Variants in PIGK observed in about 807,000 individuals in gnomAD.
The protein encoded by PIGK is GPI-anchor transamidase.
A neutral mutation model predicts 50.6 loss-of-function variants in PIGK; 42 were observed. The observed-to-expected ratio is 0.83, with a 90% CI of 0.65 to 1.07. The LOEUF (loss-of-function observed/expected upper bound fraction) is 1.07, where lower values mean the gene tolerates loss of function less well. Among genes scored for constraint, PIGK ranks in the 50% least tolerant of loss-of-function variants. The pLI, the probability that PIGK is intolerant of heterozygous loss-of-function variation, is 0.00. For missense variants in PIGK, 448 were observed against 488.7 expected (o/e 0.92, Z 0.78); for synonymous variants, 151 against 156.0 (o/e 0.97, Z 0.24).
chr1:77,197,277 T>G (rs934452651), intron 3 of PIGK, among the ~76,000 whole-genome samples: 3 of 152,100 alleles, frequency 2.0e-5, no homozygotes, highest in African/African-American at 7.2e-5. Context: ...CAAGAGAGAT[T>G]AATTTTTCCA....
intron 3 of PIGK, among the ~76,000 whole-genome samples, chr1:77,196,296 G>A (rs4033310): frequency 0.037 from 5,645 of 151,304 alleles, 204 homozygotes; most frequent in South Asian, 0.21. Flanking sequence ...AAATATGAGT[G>A]CATGTGTCTT....
chr1:77,154,588 T>C lies in PIGK; in HGVS notation c.847A>G (p.Thr283Ala). Residue 283 changes from threonine to alanine, a missense_variant, in exon 9 of 11, where the codon ACT (threonine) becomes GCT (alanine). By Grantham distance (58) the Thr-to-Ala change is moderately conservative (BLOSUM62 0). Transcript: ENST00000370812. Reference sequence around the variant, plus strand: ...AAAAGATCAGTGCGATGTCCAGGAGTAGACACACACAGACTTTTGGGACAT... The same window carrying C: ...AAAAGATCAGTGCGATGTCCAGGAGCAGACACACACAGACTTTTGGGACAT... The part of the protein sequence containing the change: ...QVCPKSLCVS[T>A]PGHRTDLFQR... 1 of 1,612,662 alleles carries C rather than the reference T, an allele frequency of 6.2e-7. No homozygotes were observed.
At chr1:77,207,217 C>T (rs1272347722) in intron 2 of PIGK, among the ~76,000 whole-genome samples, 1 of 152,134 alleles carries the variant, frequency 6.6e-6, no homozygotes, top group Non-Finnish European at 1.5e-5. Context: ...AGAAGTCTTT[C>T]ATAACTAGTA....
At chr1:77,190,037 TG>T (rs1208043160) in intron 3 of PIGK, among the ~76,000 whole-genome samples, 3 of 151,966 alleles carry the variant, frequency 2.0e-5, no homozygotes, top group Non-Finnish European at 4.4e-5. Flanking sequence ...TTGTCTGACA[TG>T]AACGTCTGCT....
intron 10 of PIGK, among the ~76,000 whole-genome samples, chr1:77,097,866 T>C (rs1406242322): frequency 6.6e-6 from 1 of 151,956 alleles, no homozygotes; most frequent in South Asian, 2.1e-4. Flanking sequence ...AAAAATGTCA[T>C]TCACAATAAC....
intron 8 of PIGK, among the ~76,000 whole-genome samples, chr1:77,159,069 T>G (rs1284350071): frequency 2.0e-5 from 3 of 151,990 alleles, no homozygotes; most frequent in Non-Finnish European, 2.9e-5. Context: ...GATAAAATGA[T>G]TTTGTGGGCT....
chr1:77,181,034 T>C (rs1250295940), intron 3 of PIGK, among the ~76,000 whole-genome samples: 2 of 152,182 alleles, frequency 1.3e-5, no homozygotes, highest in African/African-American at 4.8e-5. Flanking sequence ...TTCATCTAAA[T>C]AGAATATCTG....
intron 1 of PIGK, among the ~76,000 whole-genome samples, chr1:77,218,950 A>G (rs559305646): frequency 4.1e-4 from 63 of 152,284 alleles, no homozygotes; most frequent in African/African-American, 1.5e-3. Context: ...TCATCTCTCC[A>G]GTTCCGTCTG....
chr1:77,140,686 A>G (rs1654630599), intron 9 of PIGK, among the ~76,000 whole-genome samples: 1 of 152,232 alleles, frequency 6.6e-6, no homozygotes, highest in Admixed American at 6.5e-5. Flanking sequence ...TCAAAGAAAT[A>G]GCAGAAAAAC....
chr1:77,214,177 T>C (rs1026146986), intron 1 of PIGK, among the ~76,000 whole-genome samples: 3 of 152,180 alleles, frequency 2.0e-5, no homozygotes, highest in Non-Finnish European at 2.9e-5. Context: ...ATTTGTTTTA[T>C]GAGGCCAGCA....
intron 6 of PIGK, among the ~76,000 whole-genome samples, chr1:77,163,250 G>A (rs1655167454): frequency 6.6e-6 from 1 of 152,098 alleles, no homozygotes; most frequent in South Asian, 2.1e-4. Flanking sequence ...ACACTTTGAA[G>A]GCAGAATAAG....
At chr1:77,147,171 A>G (rs991508982) in intron 9 of PIGK, among the ~76,000 whole-genome samples, 2 of 152,128 alleles carry the variant, frequency 1.3e-5, no homozygotes, top group Non-Finnish European at 2.9e-5. Context: ...GGGGAGCAAA[A>G]GCAGAAGCCC....
chr1:77,190,355 C>T (rs971483402), intron 3 of PIGK, among the ~76,000 whole-genome samples: 7 of 152,074 alleles, frequency 4.6e-5, no homozygotes, highest in Non-Finnish European at 8.8e-5. Flanking sequence ...GAGCTACGAT[C>T]ATGCCATTGC....
At chr1:77,181,590 T>C (rs753931668) in intron 3 of PIGK, among the ~76,000 whole-genome samples, 1 of 152,156 alleles carries the variant, frequency 6.6e-6, no homozygotes, top group Non-Finnish European at 1.5e-5. Flanking sequence ...TCTTCAGGCT[T>C]ATCTTCCAGA....
intron 10 of PIGK, among the ~76,000 whole-genome samples, chr1:77,112,243 T>TTTTTTTTTTTTTTTTTTTTTTTTTG (rs1390728827): frequency 2.0e-5 from 3 of 151,602 alleles, no homozygotes; most frequent in African/African-American, 7.3e-5. Flanking sequence ...TCTTAACTCT[T>TTTTTTTTTTTTTTTTTTTTTTTTTG]ATCAGGAAGC....
At chr1:77,195,714 T>G (rs1470463829) in intron 3 of PIGK, among the ~76,000 whole-genome samples, 1 of 152,148 alleles carries the variant, frequency 6.6e-6, no homozygotes, top group African/African-American at 2.4e-5. Flanking sequence ...ACACAAGTCA[T>G]CACTAAAAAT....
intron 9 of PIGK, among the ~76,000 whole-genome samples, chr1:77,150,781 A>C (rs1196494284): frequency 6.6e-6 from 1 of 152,138 alleles, no homozygotes; most frequent in Admixed American, 6.5e-5. Context: ...CATACAACCT[A>C]CCATCATTGA....
intron 9 of PIGK, among the ~76,000 whole-genome samples, chr1:77,143,163 A>T (rs1385223983): frequency 1.3e-5 from 2 of 152,190 alleles, no homozygotes; most frequent in Non-Finnish European, 2.9e-5. Context: ...ACTTTCCCCA[A>T]TGATAAGCTA....
chr1:77,183,130 G>A (rs532132954), intron 3 of PIGK, among the ~76,000 whole-genome samples: 5 of 152,258 alleles, frequency 3.3e-5, no homozygotes, highest in South Asian at 2.1e-4. Context: ...AAAAATGCAT[G>A]GACAGCCTCA....
Sources: allele counts gnomAD v4.1 joint callset (sites outside exome capture counted in the v4.1 genomes callset), GRCh38; gene constraint gnomAD v4.1.1; transcripts MANE v1.5; gene names NCBI Gene and HGNC (gene_info 2026-07-23, HGNC 2026-07-21).